CNKSR3: variants seen among roughly 807,000 people sequenced by gnomAD.
CNKSR3 encodes the protein connector enhancer of kinase suppressor of ras 3.
In CNKSR3, 36 loss-of-function variants were observed where a neutral mutation model predicts 67.7. That is an observed-to-expected ratio of 0.53 (90% CI 0.41 to 0.70). The LOEUF (loss-of-function observed/expected upper bound fraction) is 0.70. Ranked by LOEUF, CNKSR3 falls within the 30% of genes least tolerant of loss-of-function variation. The probability of loss-of-function intolerance (pLI) is 0.00; values close to 1 mark genes in which losing one functional copy is unlikely to be tolerated. For missense variants in CNKSR3, 630 were observed against 695.2 expected (o/e 0.91, Z 1.05); for synonymous variants, 281 against 271.4 (o/e 1.04, Z -0.35).
chr6:154,464,103 C>G (rs2114617443), intron 1 of CNKSR3, among the ~76,000 whole-genome samples: 1 of 152,318 alleles, frequency 6.6e-6, no homozygotes, highest in Middle Eastern at 3.4e-3. Context: ...AAGAGAAGAA[C>G]TGTAAAGCAC....
At chr6:154,450,669 G>A (rs1785808547) in intron 1 of CNKSR3, among the ~76,000 whole-genome samples, 1 of 152,170 alleles carries the variant, frequency 6.6e-6, no homozygotes. Flanking sequence ...ACAGTGGGTG[G>A]CACATGGCCA....
chr6:154,485,667 G>A (rs1365326785), intron 1 of CNKSR3, among the ~76,000 whole-genome samples: 2 of 152,118 alleles, frequency 1.3e-5, no homozygotes, highest in Non-Finnish European at 2.9e-5. Context: ...TCTTTGACAC[G>A]GTGGGCATCA....
rs181180363 is a variant in CNKSR3, at chr6:154,425,881, A to G, written c.729+2247T>C. 8.9e-4 allele frequency among the ~76,000 whole-genome samples: 136 copies of G among 152,338 alleles called. 3 individuals carry two copies. The Middle Eastern group carries it at 0.01, about 11-fold the overall frequency. The stretch of plus-strand genomic sequence containing the variant: ...ACATTCTGACAGTGAAGTCATAGCA[A>G]CCTTAAGTGATAGCCAAAAGCTGAC... On this transcript the variant is annotated intron_variant, in intron 7 of 12. Coordinates refer to ENST00000607772, the MANE Select transcript of CNKSR3 (RefSeq NM_173515.4).
intron 7 of CNKSR3, among the ~76,000 whole-genome samples, chr6:154,424,835 G>A (rs1785223493): frequency 6.6e-6 from 1 of 152,106 alleles, no homozygotes; most frequent in Admixed American, 6.6e-5. Flanking sequence ...ACAGTGGTGT[G>A]ATCTCAGCCC....
At chr6:154,501,534 G>A (rs1428738449) in intron 1 of CNKSR3, among the ~76,000 whole-genome samples, 3 of 151,790 alleles carry the variant, frequency 2.0e-5, no homozygotes, top group African/African-American at 4.8e-5. Flanking sequence ...TCTCCAAGCC[G>A]GTTCGCACCT....
At chr6:154,504,332 G>A (rs1013490232) in intron 1 of CNKSR3, among the ~76,000 whole-genome samples, 1 of 152,184 alleles carries the variant, frequency 6.6e-6, no homozygotes, top group African/African-American at 2.4e-5. Flanking sequence ...ACACTGACAG[G>A]TGCCCCTGGA....
chr6:154,434,383 C>A (rs1785429071), intron 4 of CNKSR3, among the ~76,000 whole-genome samples: 1 of 152,124 alleles, frequency 6.6e-6, no homozygotes, highest in Admixed American at 6.5e-5. Flanking sequence ...ACTATAATCC[C>A]AAGTTAGGAC....
intron 9 of CNKSR3, among the ~76,000 whole-genome samples, chr6:154,421,273 C>G (rs537275496): frequency 1.3e-5 from 2 of 152,306 alleles, no homozygotes; most frequent in South Asian, 4.1e-4. Flanking sequence ...CTCAGCTTCC[C>G]AAGATGCTGG....
At chr6:154,407,396 C>A (rs1784818212) in intron 12 of CNKSR3, among the ~76,000 whole-genome samples, 1 of 152,216 alleles carries the variant, frequency 6.6e-6, no homozygotes, top group Admixed American at 6.5e-5. Flanking sequence ...ACTTAAAATA[C>A]AGTACACTTT....
intron 2 of CNKSR3, among the ~76,000 whole-genome samples, chr6:154,443,642 G>C (rs1358604850): frequency 6.6e-6 from 1 of 152,024 alleles, no homozygotes; most frequent in African/African-American, 2.4e-5. Context: ...TTTCCACCAG[G>C]CGAGACACTC....
At chr6:154,437,668 G>C (rs1785500407) in intron 4 of CNKSR3, among the ~76,000 whole-genome samples, 1 of 151,936 alleles carries the variant, frequency 6.6e-6, no homozygotes, top group Admixed American at 6.6e-5. Context: ...TACCCGCCCT[G>C]GCCTCCCAAA....
Position 154,397,265 on chromosome 6 carries a change from G to A in CNKSR3, c.*9089C>T, listed in dbSNP as rs1229548087. 6.6e-6 allele frequency: 1 copy of A among 152,176 alleles called. No individual in the cohort carries two copies. Among genetic ancestry groups the A allele is most frequent in the African/African-American group, 2.4e-5 (1 of 41,434 alleles). The allele number at this position is 152,176 out of a possible 1,614,324, so 9.4% of individuals were successfully genotyped here. A position where few individuals can be genotyped will look rare whatever the true frequency, so the allele number is the denominator to read the frequency against. ...TTCATTGAGGAGAAATCTGCAGAAG[G>A]GTAGCACTTTCTAGTAAAACATAGT... On this transcript the variant is annotated 3_prime_UTR_variant, in exon 13 of 13. Transcript: ENST00000607772.
At chr6:154,418,970 C>T (rs9479843) in intron 9 of CNKSR3, among the ~76,000 whole-genome samples, 11,611 of 135,552 alleles carry the variant, frequency 0.086, 517 homozygotes, top group Middle Eastern at 0.12. Context: ...AAAAAAAAAA[C>T]AAAACACAAA....
At chr6:154,432,864 T>C (rs1785395922) in intron 5 of CNKSR3, among the ~76,000 whole-genome samples, 2 of 152,352 alleles carry the variant, frequency 1.3e-5, no homozygotes, top group South Asian at 4.1e-4. Flanking sequence ...AAGAGTGATT[T>C]TTCTTTCCAA....
intron 4 of CNKSR3, among the ~76,000 whole-genome samples, chr6:154,435,929 C>T (rs1383270106): frequency 3.3e-5 from 5 of 152,086 alleles, no homozygotes; most frequent in East Asian, 1.9e-4. Context: ...TGTGATGGCA[C>T]GCGTCAAGTG....
intron 10 of CNKSR3, among the ~76,000 whole-genome samples, chr6:154,413,921 T>C (rs1784960430): frequency 6.6e-6 from 1 of 151,976 alleles, no homozygotes; most frequent in African/African-American, 2.4e-5. Flanking sequence ...CTAATTTTTG[T>C]ATTTTTTTAT....
chr6:154,463,197 G>A (rs1786119598), intron 1 of CNKSR3, among the ~76,000 whole-genome samples: 1 of 150,726 alleles, frequency 6.6e-6, no homozygotes, highest in African/African-American at 2.4e-5. Flanking sequence ...AGCCTCCCGA[G>A]TAGCTGGGAC....
intron 1 of CNKSR3, among the ~76,000 whole-genome samples, chr6:154,472,973 A>T (rs1227656645): frequency 2.0e-5 from 3 of 152,128 alleles, no homozygotes; most frequent in African/African-American, 7.2e-5. Flanking sequence ...GCTTTTATGG[A>T]GGGCCTGCTG....
intron 7 of CNKSR3, among the ~76,000 whole-genome samples, chr6:154,425,749 C>T (rs1319593423): frequency 1.3e-5 from 2 of 152,198 alleles, no homozygotes; most frequent in East Asian, 3.8e-4. Flanking sequence ...GCCTTGCTTG[C>T]TTCAGCCTCA....
Sources: gnomAD v4.1 joint callset for allele counts (sites outside exome capture counted in the v4.1 genomes callset) on GRCh38, gnomAD v4.1.1 for gene constraint, MANE v1.5 for transcripts, NCBI Gene and HGNC (gene_info 2026-07-23, HGNC 2026-07-21) for gene names.